Variants in CDC14B observed in about 807,000 individuals in gnomAD.
The protein encoded by CDC14B is cell division cycle 14B.
Under a neutral mutation model 64.2 loss-of-function variants are expected in CDC14B, and 22 were observed. That is an observed-to-expected ratio of 0.34 (90% CI 0.24 to 0.49). The LOEUF (loss-of-function observed/expected upper bound fraction) is 0.49, where lower values mean the gene tolerates loss of function less well. Ranked by LOEUF, CDC14B falls within the 20% of genes least tolerant of loss-of-function variation. CDC14B has a pLI of 0.99. For missense variants in CDC14B, 498 were observed against 629.9 expected (o/e 0.79, Z 2.24); for synonymous variants, 191 against 215.8 (o/e 0.89, Z 1.01).
At chr9:96,612,454 T>C (rs1847382508) in intron 1 of CDC14B, among the ~76,000 whole-genome samples, 1 of 152,182 alleles carries the variant, frequency 6.6e-6, no homozygotes, top group Non-Finnish European at 1.5e-5. Flanking sequence ...TGCATCCCCT[T>C]CATTTCATTC....
chr9:96,600,663 C>T (rs1846377590), intron 1 of CDC14B, among the ~76,000 whole-genome samples: 1 of 151,990 alleles, frequency 6.6e-6, no homozygotes, highest in Non-Finnish European at 1.5e-5. Context: ...CCACCAAGCC[C>T]GGCTAATTTT....
At chr9:96,588,144 G>A (rs1298330546) in intron 1 of CDC14B, among the ~76,000 whole-genome samples, 1 of 152,120 alleles carries the variant, frequency 6.6e-6, no homozygotes, top group Non-Finnish European at 1.5e-5. Context: ...TCCAGGGGAG[G>A]GGGCAGGAAG....
At chr9:96,557,013 A>G (rs1842588436) in intron 4 of CDC14B, among the ~76,000 whole-genome samples, 1 of 152,242 alleles carries the variant, frequency 6.6e-6, no homozygotes, top group South Asian at 2.1e-4. Context: ...AAAATTCCAG[A>G]AAGCTTAACG....
intron 4 of CDC14B, among the ~76,000 whole-genome samples, chr9:96,559,755 T>C (rs547877914): frequency 7.9e-5 from 12 of 152,290 alleles, no homozygotes; most frequent in Non-Finnish European, 1.6e-4. Context: ...ACTGGGTAAG[T>C]AATAAATGCG....
intron 7 of CDC14B, among the ~76,000 whole-genome samples, chr9:96,535,082 CA>C (rs1201938793): frequency 6.6e-6 from 1 of 152,054 alleles, no homozygotes; most frequent in Non-Finnish European, 1.5e-5. Context: ...ATAAGGCAAC[CA>C]ATTTAAAAAG....
intron 1 of CDC14B, among the ~76,000 whole-genome samples, chr9:96,605,727 G>T (rs1232692580): frequency 6.6e-6 from 1 of 152,164 alleles, no homozygotes; most frequent in Non-Finnish European, 1.5e-5. Context: ...CAGGGGCAGG[G>T]GCTCATGCCT....
intron 1 of CDC14B, among the ~76,000 whole-genome samples, chr9:96,601,138 CA>C (rs535181878): frequency 1.2e-4 from 18 of 147,730 alleles, no homozygotes; most frequent in Non-Finnish European, 1.4e-4. Context: ...GACTCCCTCT[CA>C]AAAAAAAAAG....
chr9:96,602,587 A>G (rs1030585143), intron 1 of CDC14B, among the ~76,000 whole-genome samples: 3 of 152,064 alleles, frequency 2.0e-5, no homozygotes, highest in African/African-American at 7.2e-5. Flanking sequence ...TTATAAAACC[A>G]TCAGATCTCA....
At position 96,562,515 on chromosome 9, in the gene CDC14B, C is replaced by G; in HGVS notation, c.420+178G>C. On this transcript the variant is annotated intron_variant, in intron 4 of 13. Transcript: ENST00000375241. ...GTGGAAGGTACAGGAGATCTCTCAT[C>G]TACCTGCTACTTCCACATAAGCACA... 7 of 599,180 alleles carry G rather than the reference C, an allele frequency of 1.2e-5. No individual in the cohort carries two copies. In the South Asian group the frequency reaches 1.2e-4, roughly 11 times the overall value. 37.1% of individuals were successfully genotyped at this position (599,180 alleles called of 1,614,324 possible).
chr9:96,619,485 G>A lies in CDC14B; in HGVS notation c.-107C>T, dbSNP rs1320200228. The A allele has an allele frequency of 3.3e-5, 18 of 541,266 alleles. No individual in the cohort carries two copies. Among genetic ancestry groups the A allele is most frequent in the Non-Finnish European group, 4.2e-5 (18 of 427,434 alleles). 33.5% of individuals were successfully genotyped at this position (541,266 alleles called of 1,614,324 possible). ...GCGGGCGCTCGGGGCGGCGGGCGCA[G>A]AGCGGCGCTGCGGGGACGGCGGGCG... On this transcript the variant is annotated 5_prime_UTR_variant, in exon 1 of 14. Coordinates refer to ENST00000375241, the MANE Select transcript of CDC14B (RefSeq NM_033331.4).
In CDC14B at chr9:96,523,799, T is replaced by A. The variant is rs1837147396; in HGVS notation, c.947-74A>T. 4.7e-6 allele frequency: 7 copies of A among 1,487,438 alleles called. No homozygotes were observed. In the Admixed American group the frequency reaches 1.4e-4, roughly 29 times the overall value. 92.1% of individuals were successfully genotyped at this position (1,487,438 alleles called of 1,614,324 possible). ...AGGATTTTGTTGGGCAGGCAGAATT[T>A]TTTTAAAAGGCTTCTCATGACTCTG... On this transcript the variant is annotated intron_variant, in intron 9 of 13. Coordinates refer to ENST00000375241, the MANE Select transcript of CDC14B (RefSeq NM_033331.4).
Position 96,503,490 on chromosome 9 carries a change from G to A in CDC14B, c.*263C>T. The stretch of plus-strand genomic sequence containing the variant: ...CAGCTCCCTGGGTACCAGAGGGCTT[G>A]GGTATTTACACCTGAGACTAAATTT... On this transcript the variant is annotated 3_prime_UTR_variant, in exon 14 of 14. Transcript: ENST00000375241. 2 of 486,696 alleles carry A rather than the reference G, an allele frequency of 4.1e-6. No individual in the cohort carries two copies. 30.1% of individuals were successfully genotyped at this position (486,696 alleles called of 1,614,324 possible).
At chr9:96,565,618 G>T in intron 1 of CDC14B, 135 bp from the exon 2 acceptor site, 1 of 686,842 alleles carries the variant, frequency 1.5e-6, no homozygotes, top group Non-Finnish European at 2.6e-6. Context: ...AGTGGTAATG[G>T]GTAATTACAA....
rs557939213 is a variant in CDC14B, at chr9:96,615,971, T to A, written c.160+3248A>T. ...CAATAGGGACTGGAAAACCCCCAAATAACCAGCTATTTATTACTACTAAAT... is the reference window on the plus strand; with the variant it reads ...CAATAGGGACTGGAAAACCCCCAAAAAACCAGCTATTTATTACTACTAAAT... On this transcript the variant is annotated intron_variant, in intron 1 of 13. Transcript: ENST00000375241. Among the ~76,000 whole-genome samples the A allele has an allele frequency of 1.1e-3, 163 of 152,276 alleles. 1 individual carries two copies. Among genetic ancestry groups the A allele is most frequent in the Admixed American group, 1.3e-3 (20 of 15,284 alleles).
rs536377869 is a variant in CDC14B at position 96,566,760 on chromosome 9, C to A, written c.161-1277G>T. The stretch of plus-strand genomic sequence containing the variant: ...CCCCCAGGGGAAGCCCCCGCCCTCC[C>A]GGCTCACCTTTGATCACCTCGGCTA... On this transcript the variant is annotated intron_variant, in intron 1 of 13. Transcript: ENST00000375241. The A allele has an allele frequency of 5.0e-6, 8 of 1,604,292 alleles. No homozygotes were observed. In the African/African-American group the frequency reaches 9.4e-5, roughly 19 times the overall value.
At chr9:96,524,892 A>C (rs1302942300) in intron 9 of CDC14B, among the ~76,000 whole-genome samples, 1 of 152,190 alleles carries the variant, frequency 6.6e-6, no homozygotes, top group Non-Finnish European at 1.5e-5. Context: ...GAGAACCCTA[A>C]ATACAGATTT....
chr9:96,519,041 C>T (rs1039202826), intron 12 of CDC14B, among the ~76,000 whole-genome samples: 1 of 151,958 alleles, frequency 6.6e-6, no homozygotes, highest in African/African-American at 2.4e-5. Flanking sequence ...GAGGCTGAGG[C>T]AGGAGAATGG....
intron 3 of CDC14B, among the ~76,000 whole-genome samples, chr9:96,563,851 T>G (rs1843571008): frequency 6.6e-6 from 1 of 151,948 alleles, no homozygotes; most frequent in Non-Finnish European, 1.5e-5. Flanking sequence ...GATCTGCCAC[T>G]GGCAACTGGA....
At chr9:96,583,101 T>A (rs1361350747) in intron 1 of CDC14B, among the ~76,000 whole-genome samples, 2 of 152,126 alleles carry the variant, frequency 1.3e-5, no homozygotes, top group Non-Finnish European at 2.9e-5. Flanking sequence ...TCTGGAAAAT[T>A]TATAATTCAA....
Sources: allele counts gnomAD v4.1 joint callset (sites outside exome capture counted in the v4.1 genomes callset), GRCh38; gene constraint gnomAD v4.1.1; transcripts MANE v1.5; gene names NCBI Gene and HGNC (gene_info 2026-07-23, HGNC 2026-07-21).